The following AKAP6 variants were observed in gnomAD, a reference collection of about 807,000 sequenced individuals.
AKAP6 encodes A-kinase anchoring protein 6.
Under a neutral mutation model 188.5 loss-of-function variants are expected in AKAP6, and 58 were observed. That is an observed-to-expected ratio of 0.31 (90% CI 0.25 to 0.38). AKAP6 has a LOEUF of 0.38. Ranked by LOEUF, AKAP6 falls within the 10% of genes least tolerant of loss-of-function variation. The pLI, the probability that AKAP6 is intolerant of heterozygous loss-of-function variation, is 1.00. For synonymous variants in AKAP6, 989 were observed against 998.6 expected (o/e 0.99, Z 0.18); for missense variants, 2,710 against 2,740.0 (o/e 0.99, Z 0.24).
chr14:32,537,752 C>T (rs572381909), intron 3 of AKAP6, among the ~76,000 whole-genome samples: 1 of 152,204 alleles, frequency 6.6e-6, no homozygotes, highest in South Asian at 2.1e-4. Context: ...TATAGCAGTG[C>T]TCTAGGGTTT....
intron 1 of AKAP6, among the ~76,000 whole-genome samples, chr14:32,392,221 G>A (rs2138587072): frequency 1.3e-5 from 2 of 152,308 alleles, no homozygotes; most frequent in South Asian, 4.1e-4. Context: ...TTAATAGCTT[G>A]TTTTTCACAG....
intron 7 of AKAP6, among the ~76,000 whole-genome samples, chr14:32,628,873 C>G (rs750680846): frequency 3.3e-5 from 5 of 152,032 alleles, no homozygotes; most frequent in Non-Finnish European, 5.9e-5. Context: ...AAAATGAACA[C>G]TTTGTTAAAA....
chr14:32,798,143 G>A (rs10146290), intron 12 of AKAP6, among the ~76,000 whole-genome samples: 73,323 of 151,460 alleles, frequency 0.48, 17,850 homozygotes, highest in African/African-American at 0.5. Context: ...ATATGAAAAA[G>A]TGTTCAATAT....
chr14:32,445,754 C>A (rs1195869818), intron 2 of AKAP6, among the ~76,000 whole-genome samples: 8 of 152,208 alleles, frequency 5.3e-5, no homozygotes, highest in Admixed American at 1.3e-4. Flanking sequence ...TATTACTACT[C>A]CAGCTGTTTT....
chr14:32,421,047 T>C (rs1889832745), intron 1 of AKAP6, among the ~76,000 whole-genome samples: 1 of 152,108 alleles, frequency 6.6e-6, no homozygotes, highest in African/African-American at 2.4e-5. Context: ...GTAAAACAAA[T>C]TGTCTTCTGG....
chr14:32,637,763 G>A (rs575181698), intron 7 of AKAP6, among the ~76,000 whole-genome samples: 1 of 152,188 alleles, frequency 6.6e-6, no homozygotes, highest in East Asian at 1.9e-4. Flanking sequence ...TGTAGTTACA[G>A]TGTGGGACAT....
At chr14:32,604,449 ATATATT>A (rs1886054887) in intron 7 of AKAP6, among the ~76,000 whole-genome samples, 1 of 152,218 alleles carries the variant, frequency 6.6e-6, no homozygotes, top group Non-Finnish European at 1.5e-5. Context: ...GACAAAGAAA[ATATATT>A]TATTAATTTA....
At chr14:32,825,085 A>G (rs1432609282) in intron 13 of AKAP6, among the ~76,000 whole-genome samples, 1 of 152,196 alleles carries the variant, frequency 6.6e-6, no homozygotes, top group Admixed American at 6.5e-5. Flanking sequence ...TGAACAATTT[A>G]AGGCCTCAAA....
intron 1 of AKAP6, among the ~76,000 whole-genome samples, chr14:32,387,334 G>T (rs1888565166): frequency 6.6e-6 from 1 of 151,884 alleles, no homozygotes; most frequent in African/African-American, 2.4e-5. Flanking sequence ...CTATGTTGAA[G>T]AGAAGTGATG....
intron 12 of AKAP6, among the ~76,000 whole-genome samples, chr14:32,818,475 C>T (rs1441436468): frequency 6.6e-6 from 1 of 151,702 alleles, no homozygotes; most frequent in East Asian, 1.9e-4. Context: ...CATACAATGC[C>T]TACACATCAC....
chr14:32,723,004 G>A (rs1266432966), intron 9 of AKAP6, among the ~76,000 whole-genome samples: 3 of 152,174 alleles, frequency 2.0e-5, no homozygotes, highest in Admixed American at 6.5e-5. Context: ...GCTGCCGCGG[G>A]CCAGTGCAGT....
intron 2 of AKAP6, among the ~76,000 whole-genome samples, chr14:32,465,289 CA>C (rs1878343012): frequency 6.6e-6 from 1 of 151,968 alleles, no homozygotes; most frequent in South Asian, 2.1e-4. Flanking sequence ...AAGACAATTC[CA>C]AGCAAAAAGA....
chr14:32,810,623 T>C (rs1317647363), intron 12 of AKAP6, among the ~76,000 whole-genome samples: 3 of 152,178 alleles, frequency 2.0e-5, no homozygotes, highest in Non-Finnish European at 2.9e-5. Flanking sequence ...GGAAAATTCA[T>C]CCTAAAATTT....
intron 9 of AKAP6, 80 bp from the exon 10 acceptor site, chr14:32,732,374 G>A: frequency 6.7e-7 from 1 of 1,485,954 alleles, no homozygotes; most frequent in South Asian, 1.3e-5. Flanking sequence ...ATGCTCGTAA[G>A]CATCACAAAT....
chr14:32,821,771 T>G lies in AKAP6; in HGVS notation c.3958T>G (p.Leu1320Val), dbSNP rs1212849562. 6.2e-7 allele frequency: 1 copy of G among 1,613,854 alleles called. No homozygotes were observed. Among genetic ancestry groups the G allele is most frequent in the Non-Finnish European group, 8.5e-7 (1 of 1,179,926 alleles). The change falls in exon 13 of 14, where the codon TTA (leucine) becomes GTA (valine). Residue 1320 changes from leucine (L) to valine (V), a missense_variant. Coordinates refer to ENST00000280979, the MANE Select transcript of AKAP6 (RefSeq NM_004274.5). ...CACTGGCATGACACAGCCTAATGTT[T>G]TAACTAAGAGTCTCAGTAAAGACTC... ...KVTGMTQPNV[L>V]TKSLSKDSSF... is the part of the protein sequence containing the mutation.
chr14:32,735,643 A>G lies in AKAP6; in HGVS notation c.3148-15A>G. 6.6e-7 allele frequency: 1 copy of G among 1,504,838 alleles called. No homozygotes were observed. The highest frequency in any genetic ancestry group is 1.3e-5 in the South Asian group (1 of 78,562). 93.2% of individuals were successfully genotyped at this position (1,504,838 alleles called of 1,614,324 possible). A position where few individuals can be genotyped will look rare whatever the true frequency, so the allele number is the denominator to read the frequency against. On this transcript the variant is annotated splice_polypyrimidine_tract_variant and intron_variant, in intron 10 of 13. Coordinates refer to ENST00000280979, the MANE Select transcript of AKAP6 (RefSeq NM_004274.5). ...TTGTTTGTTTTATTTTTTGTTTTTT[A>G]ATCTGATGCATTAGAAAACCCTAGG...
At chr14:32,432,569 C>T (rs1264588355) in intron 1 of AKAP6, among the ~76,000 whole-genome samples, 1 of 152,112 alleles carries the variant, frequency 6.6e-6, no homozygotes, top group African/African-American at 2.4e-5. Context: ...CTATTCAGTA[C>T]AATCCATGAT....
intron 13 of AKAP6, among the ~76,000 whole-genome samples, chr14:32,826,433 C>T (rs2034675379): frequency 6.6e-6 from 1 of 152,200 alleles, no homozygotes; most frequent in Non-Finnish European, 1.5e-5. Flanking sequence ...TGCTTCAAAA[C>T]AAGTCCTATT....
At chr14:32,609,815 G>T (rs1886274305) in intron 7 of AKAP6, among the ~76,000 whole-genome samples, 1 of 151,050 alleles carries the variant, frequency 6.6e-6, no homozygotes, top group Non-Finnish European at 1.5e-5. Context: ...GGTTCCACAG[G>T]CTGCCCAAGT....
Sources: allele counts gnomAD v4.1 joint callset (sites outside exome capture counted in the v4.1 genomes callset), GRCh38; gene constraint gnomAD v4.1.1; transcripts MANE v1.5; gene names NCBI Gene and HGNC (gene_info 2026-07-23, HGNC 2026-07-21).